The following SCYL2 variants were observed in gnomAD, a reference collection of about 807,000 sequenced individuals.
The protein encoded by SCYL2 is SCY1-like protein 2.
In SCYL2, 36 loss-of-function variants were observed where a neutral mutation model predicts 100.4. The ratio of observed to expected loss-of-function variants is 0.36; its 90% CI spans 0.27 to 0.47. The LOEUF (loss-of-function observed/expected upper bound fraction) is 0.47. Among genes scored for constraint, SCYL2 ranks in the 20% least tolerant of loss-of-function variants. The pLI is 1.00. For missense variants in SCYL2, 902 were observed against 1,083.9 expected (o/e 0.83, Z 2.36); for synonymous variants, 330 against 359.2 (o/e 0.92, Z 0.92).
rs1952338875 is a variant in SCYL2, at chr12:100,340,459, A to G, written c.*1287A>G. ...TCATAAAACTTTAAAACCATCTTTC[A>G]ACGAACTATATATGTATTATAGTTG... On this transcript the variant is annotated 3_prime_UTR_variant, in exon 18 of 18. Coordinates refer to ENST00000360820, the MANE Select transcript of SCYL2 (RefSeq NM_017988.6). 6.6e-6 allele frequency: 1 copy of G among 152,100 alleles called. No individual in the cohort carries two copies. The highest frequency in any genetic ancestry group is 1.5e-5 in the Non-Finnish European group (1 of 67,948). The allele number at this position is 152,100 out of a possible 1,614,324, so 9.4% of individuals were successfully genotyped here.
intron 13 of SCYL2, among the ~76,000 whole-genome samples, chr12:100,330,475 A>G (rs907257859): frequency 1.3e-5 from 2 of 152,232 alleles, no homozygotes; most frequent in Non-Finnish European, 2.9e-5. Flanking sequence ...ACTTAGTGCA[A>G]TGACAGAAGC....
intron 12 of SCYL2, among the ~76,000 whole-genome samples, chr12:100,327,791 G>A (rs149492375): frequency 3.3e-5 from 5 of 152,000 alleles, no homozygotes; most frequent in East Asian, 1.9e-4. Context: ...TGGGATTACC[G>A]CCTGGTTCTT....
At chr12:100,302,030 T>C (rs2096328341) in intron 4 of SCYL2, among the ~76,000 whole-genome samples, 1 of 152,176 alleles carries the variant, frequency 6.6e-6, no homozygotes, top group Non-Finnish European at 1.5e-5. Flanking sequence ...CCCTTTGGCC[T>C]AGGTGTGTCT....
chr12:100,337,105 A>C, intron 16 of SCYL2, among the ~76,000 whole-genome samples: 1 of 152,152 alleles, frequency 6.6e-6, no homozygotes, highest in Non-Finnish European at 1.5e-5. Context: ...GAAATCACTA[A>C]ATCTTATTGT....
At position 100,267,189 on chromosome 12, in the gene SCYL2, C is replaced by T. The variant is rs147743073; in HGVS notation, c.-632C>T. 9,836 of 1,180,916 alleles carry T rather than the reference C, an allele frequency of 8.3e-3. 64 individuals are homozygous for T. Among genetic ancestry groups the T allele is most frequent in the Non-Finnish European group, 0.011 (9,113 of 841,214 alleles). The allele number at this position is 1,180,916 out of a possible 1,614,324, so 73.2% of individuals were successfully genotyped here. A position where few individuals can be genotyped will look rare whatever the true frequency, so the allele number is the denominator to read the frequency against. Reference sequence around the variant, plus strand: ...CGGCAGGTCTTTTAGTCTTTTTCCCCCTCCCTTACTCTTCGTCCCCGGTCC... The same window carrying T: ...CGGCAGGTCTTTTAGTCTTTTTCCCTCTCCCTTACTCTTCGTCCCCGGTCC... On this transcript the variant is annotated 5_prime_UTR_variant, in exon 1 of 18. Coordinates refer to ENST00000360820, the MANE Select transcript of SCYL2 (RefSeq NM_017988.6).
intron 10 of SCYL2, among the ~76,000 whole-genome samples, chr12:100,322,027 G>C (rs1265078640): frequency 1.5e-5 from 2 of 130,746 alleles, no homozygotes; most frequent in Non-Finnish European, 3.1e-5. Flanking sequence ...CACCCTGGGT[G>C]ACAGAGCAAG....
chr12:100,300,752 T>C (rs1474342906), intron 4 of SCYL2, among the ~76,000 whole-genome samples: 1 of 152,220 alleles, frequency 6.6e-6, no homozygotes, highest in Non-Finnish European at 1.5e-5. Context: ...ATTCAAAGTT[T>C]GTCTTTTTGT....
chr12:100,339,385 C>G lies in SCYL2; in HGVS notation c.*213C>G. On this transcript the variant is annotated 3_prime_UTR_variant, in exon 18 of 18. Transcript: ENST00000360820. ...ATTGAGGATTTTTTCCTCTTACCAA[C>G]TCCTCTTCAGGTTTTTAAAGACCCA... 1 of 499,344 alleles carries G rather than the reference C, an allele frequency of 2.0e-6. No individual in the cohort carries two copies. Among genetic ancestry groups the G allele is most frequent in the Non-Finnish European group, 3.5e-6 (1 of 288,048 alleles). The allele number at this position is 499,344 out of a possible 1,614,324, so 30.9% of individuals were successfully genotyped here. A position where few individuals can be genotyped will look rare whatever the true frequency, so the allele number is the denominator to read the frequency against.
intron 5 of SCYL2, among the ~76,000 whole-genome samples, chr12:100,311,672 C>T (rs1011788659): frequency 6.6e-6 from 1 of 152,146 alleles, no homozygotes; most frequent in Non-Finnish European, 1.5e-5. Context: ...AATAAAAGAA[C>T]TGCCTAAATT....
rs182415044 is a variant in SCYL2 at position 100,284,852 on chromosome 12, T to G, written c.177+1705T>G. Among the ~76,000 whole-genome samples the G allele has an allele frequency of 3.0e-3, 460 of 152,164 alleles. 7 individuals are homozygous for G. The highest frequency in any genetic ancestry group is 1.0e-2 in the African/African-American group (415 of 41,526). ...AATCTCAGCAGGGATGCTAAAGACATCTCCAGGTAATATTTAGAGAATAAA... is the reference window on the plus strand; with the variant it reads ...AATCTCAGCAGGGATGCTAAAGACAGCTCCAGGTAATATTTAGAGAATAAA... On this transcript the variant is annotated intron_variant, in intron 2 of 17. Transcript: ENST00000360820.
At chr12:100,276,180 T>G (rs1048795054) in intron 1 of SCYL2, among the ~76,000 whole-genome samples, 5 of 152,208 alleles carry the variant, frequency 3.3e-5, no homozygotes, top group African/African-American at 1.2e-4. Context: ...CCTCCCCTCT[T>G]CTATTTTCTG....
At position 100,320,407 on chromosome 12, in the gene SCYL2, T is replaced by C. The variant is rs1235270418; in HGVS notation, c.1395+2482T>C. Among the ~76,000 whole-genome samples the C allele has an allele frequency of 2.6e-5, 4 of 151,370 alleles. No individual in the cohort carries two copies. The East Asian group carries it at 7.8e-4, about 29-fold the overall frequency. ...TAAAAAAATACAAAAATTAGCTGGG[T>C]GTGGTGGCGGGTACCTGTAATCCCA... On this transcript the variant is annotated intron_variant, in intron 10 of 17. Transcript: ENST00000360820.
intron 16 of SCYL2, among the ~76,000 whole-genome samples, chr12:100,336,992 C>A (rs75287086): frequency 6.6e-6 from 1 of 152,046 alleles, no homozygotes; most frequent in Non-Finnish European, 1.5e-5. Context: ...AGTGAAAGAA[C>A]TGCTAATGTT....
At chr12:100,272,379 C>T (rs758712544) in intron 1 of SCYL2, among the ~76,000 whole-genome samples, 9 of 152,082 alleles carry the variant, frequency 5.9e-5, no homozygotes, top group African/African-American at 1.7e-4. Context: ...TTCAAAATCT[C>T]GTTTAAGTTC....
intron 4 of SCYL2, among the ~76,000 whole-genome samples, chr12:100,301,978 A>T (rs2096328259): frequency 6.6e-6 from 1 of 152,160 alleles, no homozygotes; most frequent in Non-Finnish European, 1.5e-5. Flanking sequence ...GCAGGTGATG[A>T]ATCCCGCCAG....
At chr12:100,327,191 G>C in intron 12 of SCYL2, 1 of 409,184 alleles carries the variant, frequency 2.4e-6, no homozygotes, top group South Asian at 1.8e-5. Flanking sequence ...TAAGGAAACT[G>C]AGGCTCAGAG....
intron 1 of SCYL2, among the ~76,000 whole-genome samples, chr12:100,271,431 A>G (rs1361289279): frequency 6.6e-6 from 1 of 152,150 alleles, no homozygotes; most frequent in Non-Finnish European, 1.5e-5. Context: ...CTTGAATGTA[A>G]TTCTTAATTA....
chr12:100,268,448 A>C (rs1250819181), intron 1 of SCYL2, among the ~76,000 whole-genome samples: 1 of 152,208 alleles, frequency 6.6e-6, no homozygotes, highest in Non-Finnish European at 1.5e-5. Flanking sequence ...ATATTTTTAA[A>C]ATATTTAAAA....
At chr12:100,291,768 CTAAG>C in intron 3 of SCYL2, 108 bp downstream of exon 3, 2 of 1,069,088 alleles carry the variant, frequency 1.9e-6, no homozygotes, top group Non-Finnish European at 2.7e-6. Flanking sequence ...TTCTTATACT[CTAAG>C]TGTTGAGTTC....
Sources: allele counts gnomAD v4.1 joint callset (sites outside exome capture counted in the v4.1 genomes callset), GRCh38; gene constraint gnomAD v4.1.1; transcripts MANE v1.5; gene names NCBI Gene and HGNC (gene_info 2026-07-23, HGNC 2026-07-21).